The following GLRX3 variants were observed in gnomAD, a reference collection of about 807,000 sequenced individuals.
GLRX3 encodes glutaredoxin-3.
Under a neutral mutation model 49.5 loss-of-function variants are expected in GLRX3, and 22 were observed. That is an observed-to-expected ratio of 0.44 (90% confidence interval 0.32 to 0.63). GLRX3 has a LOEUF of 0.63. Among genes scored for constraint, GLRX3 ranks in the 30% least tolerant of loss-of-function variants. The probability of loss-of-function intolerance (pLI) is 0.05; values close to 1 mark genes in which losing one functional copy is unlikely to be tolerated. For synonymous variants in GLRX3, 133 were observed against 140.0 expected (o/e 0.95, Z 0.35); for missense variants, 385 against 396.3 (o/e 0.97, Z 0.24).
intron 3 of GLRX3, 43 bp from the exon 4 acceptor site, chr10:130,160,753 T>C: frequency 9.4e-7 from 1 of 1,063,834 alleles, no homozygotes; most frequent in Non-Finnish European, 1.5e-6. Context: ...ATGTCATTAT[T>C]ATGGAATGCT....
chr10:130,167,790 C>T (rs1424746627), intron 6 of GLRX3, among the ~76,000 whole-genome samples: 1 of 152,100 alleles, frequency 6.6e-6, no homozygotes, highest in Non-Finnish European at 1.5e-5. Context: ...TTTCTATAAA[C>T]AGCGTCCAAT....
chr10:130,149,662 AG>A (rs1862334648), intron 2 of GLRX3, among the ~76,000 whole-genome samples: 2 of 151,734 alleles, frequency 1.3e-5, no homozygotes, highest in African/African-American at 4.8e-5. Flanking sequence ...TATCTGGCAG[AG>A]GGGGGTGGGA....
rs753162172 is a variant in GLRX3 at position 130,145,314 on chromosome 10, G to A, written c.196G>A (p.Val66Met). The change falls in exon 2 of 11, where the codon GTG (valine) becomes ATG (methionine). Residue 66 changes from valine (V) to methionine (M), a missense_variant. This residue lies in a region of GLRX3 where 374 missense variants were observed against 358.6 expected (regional missense o/e 1.04). Transcript: ENST00000331244. ...LAKELPQVSFVKLEAEGVPEV... is the reference protein window; with the variant it reads ...LAKELPQVSFMKLEAEGVPEV... The stretch of plus-strand genomic sequence containing the variant: ...TAAAGAACTCCCTCAAGTTTCATTT[G>A]TGAAGGTATTTATATTTCAATGTCA... 8.3e-6 allele frequency: 11 copies of A among 1,325,392 alleles called. 1 individual carries two copies. The highest frequency in any genetic ancestry group is 2.4e-5 in the South Asian group (2 of 85,096). The allele number at this position is 1,325,392 out of a possible 1,614,324, so 82.1% of individuals were successfully genotyped here.
chr10:130,173,799 T>C (rs1023200284), intron 8 of GLRX3, among the ~76,000 whole-genome samples: 1 of 152,222 alleles, frequency 6.6e-6, no homozygotes, highest in Admixed American at 6.5e-5. Context: ...AACATTCCTT[T>C]TTTGGTAATT....
intron 7 of GLRX3, among the ~76,000 whole-genome samples, chr10:130,171,248 A>C (rs1249702981): frequency 6.6e-6 from 1 of 152,258 alleles, no homozygotes; most frequent in Non-Finnish European, 1.5e-5. Context: ...ATCATTTTGC[A>C]TGAGTGAATT....
chr10:130,137,989 G>C (rs1862097952), intron 1 of GLRX3, among the ~76,000 whole-genome samples: 1 of 152,066 alleles, frequency 6.6e-6, no homozygotes, highest in Non-Finnish European at 1.5e-5. Flanking sequence ...GCCCTCCTCA[G>C]CCTCCCAAAG....
intron 2 of GLRX3, among the ~76,000 whole-genome samples, chr10:130,155,719 G>A (rs1862459063): frequency 1.3e-5 from 2 of 152,144 alleles, no homozygotes; most frequent in South Asian, 2.1e-4. Context: ...GAAGTTGGGA[G>A]TTGTAATAGC....
intron 1 of GLRX3, among the ~76,000 whole-genome samples, chr10:130,142,735 G>A (rs1862198212): frequency 6.6e-6 from 1 of 152,072 alleles, no homozygotes. Flanking sequence ...TGCATTGGAT[G>A]ATTGTCACTC....
At chr10:130,162,211 C>T (rs1405083787) in intron 4 of GLRX3, among the ~76,000 whole-genome samples, 1 of 152,110 alleles carries the variant, frequency 6.6e-6, no homozygotes, top group Non-Finnish European at 1.5e-5. Context: ...AACTCCTGAC[C>T]TCAGGTGATC....
intron 4 of GLRX3, among the ~76,000 whole-genome samples, chr10:130,163,729 C>CTTATGGGAAA (rs1862621764): frequency 6.6e-6 from 1 of 152,104 alleles, no homozygotes; most frequent in African/African-American, 2.4e-5. Context: ...GAACATAAGT[C>CTTATGGGAAA]ACCTCGACCC....
intron 2 of GLRX3, among the ~76,000 whole-genome samples, chr10:130,152,024 AT>A (rs368596235): frequency 1.8e-3 from 261 of 144,722 alleles, no homozygotes; most frequent in East Asian, 2.8e-3. Context: ...TTGTGTGTGA[AT>A]TTTTTTTTTT....
chr10:130,157,848 G>A (rs1486233510), intron 2 of GLRX3, among the ~76,000 whole-genome samples: 1 of 152,020 alleles, frequency 6.6e-6, no homozygotes, highest in Non-Finnish European at 1.5e-5. Context: ...GAGCTCTTCT[G>A]AATGCAGATC....
intron 8 of GLRX3, 90 bp downstream of exon 8, chr10:130,171,726 G>A (rs1216561871): frequency 7.4e-6 from 6 of 813,256 alleles, no homozygotes; most frequent in Non-Finnish European, 1.3e-5. Context: ...AGCACTTTGG[G>A]AGGCTAAGAC....
intron 8 of GLRX3, among the ~76,000 whole-genome samples, chr10:130,173,044 C>T (rs1590073757): frequency 6.6e-6 from 1 of 152,336 alleles, no homozygotes; most frequent in African/African-American, 2.4e-5. Context: ...CCTTTCTTCA[C>T]CCCTGCCCTG....
chr10:130,137,548 A>T (rs1862084569), intron 1 of GLRX3, among the ~76,000 whole-genome samples: 1 of 152,164 alleles, frequency 6.6e-6, no homozygotes, highest in Non-Finnish European at 1.5e-5. Context: ...CCCAAGCCTC[A>T]GTTTCCCGAC....
chr10:130,143,189 C>T (rs956676942), intron 1 of GLRX3, among the ~76,000 whole-genome samples: 3 of 152,192 alleles, frequency 2.0e-5, no homozygotes, highest in Non-Finnish European at 2.9e-5. Flanking sequence ...CTTCTACCTT[C>T]GAAATCCTCA....
intron 4 of GLRX3, among the ~76,000 whole-genome samples, chr10:130,162,638 A>G (rs936474660): frequency 3.3e-5 from 5 of 152,216 alleles, no homozygotes; most frequent in African/African-American, 1.2e-4. Flanking sequence ...AAATCTCTAC[A>G]GTATTCTCTC....
intron 2 of GLRX3, among the ~76,000 whole-genome samples, chr10:130,152,947 G>A (rs1217031055): frequency 6.6e-6 from 1 of 152,110 alleles, no homozygotes; most frequent in Non-Finnish European, 1.5e-5. Context: ...CCAATCAAAC[G>A]TAGATTTGGT....
rs143104418 is a variant in GLRX3, at chr10:130,174,882, A to G, written c.840A>G (p.Thr280=). The G allele has an allele frequency of 8.1e-6, 13 of 1,597,040 alleles. No individual in the cohort carries two copies. The highest frequency in any genetic ancestry group is 1.0e-5 in the Non-Finnish European group (12 of 1,164,506). Reference sequence around the variant, plus strand: ...TTTTTTGCAGTGTTGAATATGAAACATTCGATATATTGGAGGATGAAGAAG... The same window carrying G: ...TTTTTTGCAGTGTTGAATATGAAACGTTCGATATATTGGAGGATGAAGAAG... ...ILNSTGVEYE[T]FDILEDEEVR... The change falls in exon 9 of 11, where the codon ACA becomes ACG. Residue 280 remains threonine, a synonymous_variant. Transcript: ENST00000331244.
Sources: gnomAD v4.1 joint callset for allele counts (sites outside exome capture counted in the v4.1 genomes callset) on GRCh38, gnomAD v4.1.1 for gene constraint, gnomAD v4.1.1 regional missense constraint, MANE v1.5 for transcripts, NCBI Gene and HGNC (gene_info 2026-07-23, HGNC 2026-07-21) for gene names.